The following C17orf99 variants were observed in gnomAD, a reference collection of about 807,000 sequenced individuals.
The protein encoded by C17orf99 is chromosome 17 open reading frame 99, also known as protein IL-40.
A neutral mutation model predicts 22.6 loss-of-function variants in C17orf99; 18 were observed. The ratio of observed to expected loss-of-function variants is 0.80; its 90% CI spans 0.55 to 1.18. The LOEUF (loss-of-function observed/expected upper bound fraction) is 1.18. Ranked by LOEUF, C17orf99 falls within the 50% of genes most tolerant of loss-of-function variation. C17orf99 has a pLI of 0.00. For synonymous variants in C17orf99, 147 were observed against 136.6 expected (o/e 1.08, Z -0.53); for missense variants, 328 against 342.7 (o/e 0.96, Z 0.34).
intron 2 of C17orf99, chr17:78,157,359 G>C: frequency 1.0e-6 from 1 of 971,836 alleles, no homozygotes; most frequent in South Asian, 1.4e-5. Context: ...TGGGCTCGGA[G>C]GCTCACAGCC....
intron 2 of C17orf99, chr17:78,157,855 A>G (rs564934312): frequency 2.0e-6 from 2 of 995,742 alleles, no homozygotes; most frequent in East Asian, 6.1e-5. Flanking sequence ...AAGGCCGGCC[A>G]CGTAAGATCG....
chr17:78,150,164 A>G (rs1288773949), intron 2 of C17orf99, among the ~76,000 whole-genome samples: 1 of 151,510 alleles, frequency 6.6e-6, no homozygotes, highest in Non-Finnish European at 1.5e-5. Flanking sequence ...ATGCACCACC[A>G]TGCCCAGCTA....
At position 78,161,266 on chromosome 17, in the gene C17orf99, G is replaced by T; in HGVS notation, c.370+12G>T. The T allele has an allele frequency of 6.5e-7, 1 of 1,548,672 alleles. No individual in the cohort carries two copies. Among genetic ancestry groups the T allele is most frequent in the Non-Finnish European group, 8.7e-7 (1 of 1,144,620 alleles). On this transcript the variant is annotated intron_variant, in intron 3 of 4. Coordinates refer to ENST00000340363, the MANE Select transcript of C17orf99 (RefSeq NM_001163075.2). ...GGAGCTGTGGTCCAGTGAGTGCGGTGGGGGGCACAGGGCTGAGGAGGCAGG... is the reference window on the plus strand; with the variant it reads ...GGAGCTGTGGTCCAGTGAGTGCGGTTGGGGGCACAGGGCTGAGGAGGCAGG...
chr17:78,164,174 G>A lies in C17orf99; in HGVS notation c.450G>A (p.Ala150=), dbSNP rs749959371. The A allele has an allele frequency of 1.2e-5, 19 of 1,551,600 alleles. No individual in the cohort carries two copies. Among genetic ancestry groups the A allele is most frequent in the African/African-American group, 4.1e-5 (3 of 73,190 alleles). Residue 150 remains alanine (A), a synonymous_variant, in exon 4 of 5, where the codon GCG becomes GCA. Coordinates refer to ENST00000340363, the MANE Select transcript of C17orf99 (RefSeq NM_001163075.2). ...CCAGGGTGGAGATGATCTGCCAGGC[G>A]TCCTCGGGCAGCCCACCTATCACCA... ...AGPRVEMICQ[A]SSGSPPITNS...
Position 78,146,592 on chromosome 17 carries a change from G to C in C17orf99, c.37+148G>C. The C allele has an allele frequency of 1.3e-6, 1 of 793,436 alleles. No individual in the cohort carries two copies. Among genetic ancestry groups the C allele is most frequent in the Non-Finnish European group, 2.1e-6 (1 of 485,182 alleles). The allele number at this position is 793,436 out of a possible 1,614,324, so 49.1% of individuals were successfully genotyped here. A position where few individuals can be genotyped will look rare whatever the true frequency, so the allele number is the denominator to read the frequency against. ...GACAGAGAGGGAAAGATCTGGGCTT[G>C]AGTCTCGGACCAGCCCCTAAACTTG... On this transcript the variant is annotated intron_variant, in intron 1 of 4. Coordinates refer to ENST00000340363, the MANE Select transcript of C17orf99 (RefSeq NM_001163075.2). This position sits in a 1 kb window ranked among gnomAD's most constrained non-coding sequence, Gnocchi z 5.2.
At chr17:78,151,777 G>C (rs573478477) in intron 2 of C17orf99, among the ~76,000 whole-genome samples, 1 of 152,180 alleles carries the variant, frequency 6.6e-6, no homozygotes, top group African/African-American at 2.4e-5. Context: ...GCAGGTCCTG[G>C]GAGTCACCAT....
intron 2 of C17orf99, chr17:78,157,563 C>T: frequency 1.4e-6 from 1 of 727,816 alleles, no homozygotes; most frequent in Non-Finnish European, 2.1e-6. Flanking sequence ...CTTTGGAAGA[C>T]CGAGGCAGGC....
intron 4 of C17orf99, chr17:78,165,495 T>C (rs1263505474): frequency 2.0e-6 from 2 of 986,464 alleles, no homozygotes; most frequent in East Asian, 2.3e-4. Flanking sequence ...ACTGATGTGC[T>C]TGGCACCATA....
intron 2 of C17orf99, among the ~76,000 whole-genome samples, chr17:78,151,608 G>C (rs1056465107): frequency 2.0e-5 from 3 of 151,920 alleles, no homozygotes; most frequent in Non-Finnish European, 4.4e-5. Context: ...GTTTCTGGGG[G>C]TTGCCTCCCT....
At chr17:78,148,977 G>T (rs938761266) in intron 2 of C17orf99, among the ~76,000 whole-genome samples, 5 of 152,074 alleles carry the variant, frequency 3.3e-5, no homozygotes, top group African/African-American at 1.2e-4. Context: ...CATACATTCT[G>T]GAGGCCAGCA....
chr17:78,155,773 T>G (rs939075415), intron 2 of C17orf99, among the ~76,000 whole-genome samples: 16 of 151,962 alleles, frequency 1.1e-4, no homozygotes, highest in African/African-American at 3.9e-4. Context: ...ATTACAGGCA[T>G]GTACCACCAT....
intron 2 of C17orf99, among the ~76,000 whole-genome samples, chr17:78,149,964 C>T (rs2075467967): frequency 6.6e-6 from 1 of 152,052 alleles, no homozygotes; most frequent in South Asian, 2.1e-4. Context: ...CCACCTTGGC[C>T]TCCCAAAGTG....
At position 78,159,808 on chromosome 17, in the gene C17orf99, A is replaced by G. The variant is rs183461529; in HGVS notation, c.71-1147A>G. On this transcript the variant is annotated intron_variant, in intron 2 of 4. Transcript: ENST00000340363. ...CTCCTGTTCTGAACTTTGCACACAC[A>G]TGGAATCATGCAACCGTTGCCCTTT... Among the ~76,000 whole-genome samples the G allele has an allele frequency of 1.2e-3, 176 of 152,120 alleles. 1 individual carries two copies. Among genetic ancestry groups the G allele is most frequent in the African/African-American group, 3.5e-3 (146 of 41,504 alleles).
chr17:78,165,812 G>T, intron 4 of C17orf99, 77 bp from the exon 5 acceptor site: 1 of 1,269,730 alleles, frequency 7.9e-7, no homozygotes, highest in Non-Finnish European at 1.0e-6. Flanking sequence ...CAAAACAAAC[G>T]AACACTCTCA....
chr17:78,162,578 CCTACA>C (rs1312747774), intron 3 of C17orf99, among the ~76,000 whole-genome samples: 5 of 152,026 alleles, frequency 3.3e-5, no homozygotes, highest in Admixed American at 6.6e-5. Flanking sequence ...GGTTCAAATC[CCTACA>C]CTTACTGGCT....
intron 2 of C17orf99, among the ~76,000 whole-genome samples, chr17:78,147,529 A>G (rs565108137): frequency 1.3e-5 from 2 of 152,170 alleles, no homozygotes; most frequent in East Asian, 3.9e-4. Context: ...CTGCTTCCTC[A>G]TCTTTGCCTG....
intron 2 of C17orf99, among the ~76,000 whole-genome samples, chr17:78,154,528 A>C (rs1464663420): frequency 6.6e-6 from 1 of 151,818 alleles, no homozygotes; most frequent in Non-Finnish European, 1.5e-5. Context: ...GGCCTGGGTG[A>C]CAGGGTAAGA....
At chr17:78,149,253 A>G (rs1386320311) in intron 2 of C17orf99, among the ~76,000 whole-genome samples, 1 of 145,112 alleles carries the variant, frequency 6.9e-6, no homozygotes, top group South Asian at 2.3e-4. Context: ...AATCCCTTGA[A>G]CCCGGCAGGC....
intron 2 of C17orf99, 134 bp downstream of exon 2, chr17:78,147,045 G>A (rs1239216858): frequency 7.8e-6 from 6 of 769,786 alleles, no homozygotes; most frequent in Non-Finnish European, 1.3e-5. Context: ...TGGCTGGACA[G>A]TTCTGGAACA....
Sources: gnomAD v4.1 joint callset for allele counts (sites outside exome capture counted in the v4.1 genomes callset) on GRCh38, gnomAD v4.1.1 for gene constraint, Gnocchi (gnomAD v3.1) non-coding constraint, MANE v1.5 for transcripts, NCBI Gene and HGNC (gene_info 2026-07-23, HGNC 2026-07-21) for gene names.